CSMD3: variants seen among roughly 807,000 people sequenced by gnomAD.
CSMD3 encodes the protein CUB and Sushi multiple domains 3.
In CSMD3, 177 loss-of-function variants were observed where a neutral mutation model predicts 435.2. The observed-to-expected ratio is 0.41, with a 90% confidence interval of 0.36 to 0.46. The LOEUF is 0.46. CSMD3 is among the 20% of genes least tolerant of loss of function. The pLI, the probability that CSMD3 is intolerant of heterozygous loss-of-function variation, is 0.34. For synonymous variants in CSMD3, 1,656 were observed against 1,520.5 expected (o/e 1.09, Z -2.07); for missense variants, 4,265 against 4,504.6 (o/e 0.95, Z 1.52).
At chr8:113,226,405 T>C (rs970765720) in intron 3 of CSMD3, among the ~76,000 whole-genome samples, 5 of 151,632 alleles carry the variant, frequency 3.3e-5, no homozygotes, top group Non-Finnish European at 7.4e-5. Context: ...AACTACATTA[T>C]ATAGATATAC....
At chr8:112,291,385 A>G (rs1819746771) in intron 56 of CSMD3, 125 bp downstream of exon 56, 3 of 741,158 alleles carry the variant, frequency 4.0e-6, no homozygotes, top group Non-Finnish European at 6.8e-6. Context: ...ATTTCAAAAC[A>G]GTAAAACAAT....
chr8:112,425,093 T>C (rs1291856744), intron 32 of CSMD3, among the ~76,000 whole-genome samples: 1 of 152,254 alleles, frequency 6.6e-6, no homozygotes, highest in Non-Finnish European at 1.5e-5. Context: ...TTAAAAATTC[T>C]TTACAGTTAA....
chr8:112,657,917 A>G (rs2131669009), intron 17 of CSMD3, among the ~76,000 whole-genome samples: 1 of 152,306 alleles, frequency 6.6e-6, no homozygotes, highest in South Asian at 2.1e-4. Context: ...TGTCTTCCTT[A>G]AAAGTCTATA....
chr8:112,654,394 GAGA>G (rs1471584671), intron 18 of CSMD3, among the ~76,000 whole-genome samples: 1 of 152,152 alleles, frequency 6.6e-6, no homozygotes, highest in Admixed American at 6.5e-5. Context: ...AATAAAATGA[GAGA>G]AGGTGATTTC....
intron 6 of CSMD3, among the ~76,000 whole-genome samples, chr8:112,977,955 T>G (rs1220234466): frequency 6.6e-6 from 1 of 152,024 alleles, no homozygotes; most frequent in Non-Finnish European, 1.5e-5. Context: ...ATTGAACTCA[T>G]GGTAAACTGT....
intron 13 of CSMD3, among the ~76,000 whole-genome samples, chr8:112,702,832 C>T (rs1478223481): frequency 6.6e-6 from 1 of 152,022 alleles, no homozygotes; most frequent in East Asian, 1.9e-4. Flanking sequence ...AGGCAGCCCA[C>T]TCCATACCGC....
At chr8:112,478,114 C>T (rs1368839588) in intron 31 of CSMD3, among the ~76,000 whole-genome samples, 2 of 152,178 alleles carry the variant, frequency 1.3e-5, no homozygotes, top group African/African-American at 2.4e-5. Flanking sequence ...TACCTTCCAC[C>T]ATGATCGTGA....
chr8:112,923,650 T>C (rs1428427093), intron 9 of CSMD3, among the ~76,000 whole-genome samples: 1 of 152,156 alleles, frequency 6.6e-6, no homozygotes, highest in Non-Finnish European at 1.5e-5. Context: ...TCTTCTTCCA[T>C]GTTATTTCCT....
intron 45 of CSMD3, among the ~76,000 whole-genome samples, chr8:112,334,905 G>A (rs552857963): frequency 6.6e-6 from 1 of 152,312 alleles, no homozygotes; most frequent in South Asian, 2.1e-4. Context: ...ATAAATGAAT[G>A]AGTAATGTGA....
In CSMD3 at chr8:113,086,898, T is replaced by G. The variant is rs188705748; in HGVS notation, c.917+11858A>C. On this transcript the variant is annotated intron_variant, in intron 5 of 70. Transcript: ENST00000297405. ...TCTTTAATAACTTAAAAATTTAATA[T>G]ATGTGGCTTTACTTCTTTGTGTGTT... Among the ~76,000 whole-genome samples, 565 of 152,348 alleles carry G rather than the reference T, an allele frequency of 3.7e-3. 8 individuals are homozygous for G. Among genetic ancestry groups the G allele is most frequent in the African/African-American group, 0.013 (541 of 41,588 alleles).
At chr8:112,893,249 A>G (rs1020333516) in intron 10 of CSMD3, among the ~76,000 whole-genome samples, 15 of 151,550 alleles carry the variant, frequency 9.9e-5, no homozygotes, top group African/African-American at 3.6e-4. Flanking sequence ...TTTCCCAAAT[A>G]AGGAAATTAA....
At chr8:112,918,717 T>TA (rs1268524973) in intron 10 of CSMD3, among the ~76,000 whole-genome samples, 1 of 151,936 alleles carries the variant, frequency 6.6e-6, no homozygotes, top group Non-Finnish European at 1.5e-5. Flanking sequence ...TCTGTTTGTG[T>TA]AAAAAATATT....
At chr8:113,021,102 T>A (rs2131182645) in intron 5 of CSMD3, among the ~76,000 whole-genome samples, 1 of 152,328 alleles carries the variant, frequency 6.6e-6, no homozygotes, top group Non-Finnish European at 1.5e-5. Flanking sequence ...TATTCTTGGT[T>A]TGCAGTGCAT....
intron 13 of CSMD3, among the ~76,000 whole-genome samples, chr8:112,791,079 T>C (rs1438803747): frequency 3.9e-5 from 6 of 152,014 alleles, no homozygotes; most frequent in Admixed American, 2.0e-4. Flanking sequence ...CCTCAGGTCT[T>C]TGGGAAGCTG....
At chr8:112,353,322 G>A (rs1377503816) in intron 38 of CSMD3, among the ~76,000 whole-genome samples, 11 of 152,022 alleles carry the variant, frequency 7.2e-5, no homozygotes, top group Non-Finnish European at 1.5e-4. Flanking sequence ...CCCAGGAGGC[G>A]GAGGTTGCAG....
At chr8:112,307,222 C>G (rs534766169) in intron 50 of CSMD3, among the ~76,000 whole-genome samples, 1 of 151,906 alleles carries the variant, frequency 6.6e-6, no homozygotes, top group Non-Finnish European at 1.5e-5. Context: ...CTTCTAGGCT[C>G]AAGTGATCCT....
chr8:112,492,049 T>C (rs1232335731), intron 31 of CSMD3, among the ~76,000 whole-genome samples: 1 of 152,198 alleles, frequency 6.6e-6, no homozygotes, highest in Non-Finnish European at 1.5e-5. Context: ...ATATTCTTCT[T>C]TATCCTTATT....
At chr8:112,590,627 T>C (rs1831104383) in intron 22 of CSMD3, among the ~76,000 whole-genome samples, 1 of 152,138 alleles carries the variant, frequency 6.6e-6, no homozygotes, top group African/African-American at 2.4e-5. Context: ...TGTGAGCTGC[T>C]TGTTCTTGTG....
chr8:112,876,668 G>A (rs2081291389), intron 10 of CSMD3, among the ~76,000 whole-genome samples: 1 of 151,190 alleles, frequency 6.6e-6, no homozygotes, highest in Admixed American at 6.6e-5. Flanking sequence ...AACTAGGTAT[G>A]CTGGAAGCAT....
Sources: allele counts gnomAD v4.1 joint callset (sites outside exome capture counted in the v4.1 genomes callset), GRCh38; gene constraint gnomAD v4.1.1; transcripts MANE v1.5; gene names NCBI Gene and HGNC (gene_info 2026-07-23, HGNC 2026-07-21).